Variants in KLF12 observed in about 807,000 individuals in gnomAD.
The protein encoded by KLF12 is KLF transcription factor 12.
In KLF12, 9 loss-of-function variants were observed where a neutral mutation model predicts 37.8. The ratio of observed to expected loss-of-function variants is 0.24; its 90% CI spans 0.14 to 0.42. The LOEUF (loss-of-function observed/expected upper bound fraction) is 0.42, where lower values mean the gene tolerates loss of function less well. Ranked by LOEUF, KLF12 falls within the 10% of genes least tolerant of loss-of-function variation. KLF12 has a pLI of 1.00. For synonymous variants in KLF12, 208 were observed against 202.1 expected (o/e 1.03, Z -0.25); for missense variants, 411 against 516.0 (o/e 0.80, Z 1.97).
At chr13:73,981,047 C>A (rs1477011061) in intron 2 of KLF12, among the ~76,000 whole-genome samples, 2 of 152,108 alleles carry the variant, frequency 1.3e-5, no homozygotes, top group Non-Finnish European at 2.9e-5. Context: ...GAAGTCCCAG[C>A]TACTTGGGAT....
chr13:74,243,158 A>G, the KLF12 span, among the ~76,000 whole-genome samples: 1 of 151,156 alleles, frequency 6.6e-6, no homozygotes, highest in African/African-American at 2.4e-5. Context: ...CCCTGTGTCC[A>G]TGTGTTCTCA....
intron 6 of KLF12, among the ~76,000 whole-genome samples, chr13:73,746,068 CA>C (rs10568862): frequency 0.091 from 11,906 of 130,910 alleles, 519 homozygotes; most frequent in South Asian, 0.18. Flanking sequence ...AGGAAACCAC[CA>C]AAAAAAAAAA....
chr13:73,861,207 T>A (rs1469465498), intron 3 of KLF12, among the ~76,000 whole-genome samples: 1 of 152,162 alleles, frequency 6.6e-6, no homozygotes, highest in African/African-American at 2.4e-5. Context: ...AGGTTATAAA[T>A]CCTGTAACTA....
chr13:74,017,641 A>C (rs1439533581), intron 1 of KLF12, among the ~76,000 whole-genome samples: 1 of 150,846 alleles, frequency 6.6e-6, no homozygotes, highest in East Asian at 1.9e-4. Flanking sequence ...TTACAAATAG[A>C]AAAATATGAA....
At position 74,038,294 on chromosome 13, in the gene KLF12, T is replaced by C. The variant is rs540677837; in HGVS notation, c.-31-43241A>G. On this transcript the variant is annotated intron_variant, in intron 1 of 7. Coordinates refer to ENST00000377669, the MANE Select transcript of KLF12 (RefSeq NM_007249.5). The stretch of plus-strand genomic sequence containing the variant: ...CAAAATAATTTTTTCAAAAAGGCTG[T>C]CAGTTGCAAACACTGTTAGACATAC... Among the ~76,000 whole-genome samples, 4 of 152,328 alleles carry C rather than the reference T, an allele frequency of 2.6e-5. No homozygotes were observed. The South Asian group carries it at 8.3e-4, about 32-fold the overall frequency.
the KLF12 span, among the ~76,000 whole-genome samples, chr13:74,208,111 T>G: frequency 6.6e-6 from 1 of 152,206 alleles, no homozygotes; most frequent in African/African-American, 2.4e-5. Context: ...ACATTAGGAA[T>G]GCTCACATTC....
chr13:73,904,231 C>T (rs1474412444), intron 3 of KLF12, among the ~76,000 whole-genome samples: 2 of 152,072 alleles, frequency 1.3e-5, no homozygotes, highest in Non-Finnish European at 2.9e-5. Flanking sequence ...TTAAGGATCC[C>T]CTAATAAAAT....
intron 6 of KLF12, among the ~76,000 whole-genome samples, chr13:73,745,345 T>TGTG (rs1878290292): frequency 6.6e-6 from 1 of 152,212 alleles, no homozygotes; most frequent in African/African-American, 2.4e-5. Flanking sequence ...TGAATGGAGT[T>TGTG]GTGTCAGTAG....
rs549401941 is a variant in KLF12, at chr13:74,010,454, C to T, written c.-31-15401G>A. On this transcript the variant is annotated intron_variant, in intron 1 of 7. Transcript: ENST00000377669. ...GCTGGATGAGATGTGGCATGCTACA[C>T]CCTACATTCAACACCCAGCTTTTCT... 3.9e-5 allele frequency among the ~76,000 whole-genome samples: 6 copies of T among 152,242 alleles called. No individual in the cohort carries two copies. In the East Asian group the frequency reaches 7.7e-4, roughly 20 times the overall value.
At chr13:73,728,276 A>G (rs866866905) in intron 6 of KLF12, among the ~76,000 whole-genome samples, 1 of 152,362 alleles carries the variant, frequency 6.6e-6, no homozygotes, top group African/African-American at 2.4e-5. Context: ...GTTAGTATAC[A>G]GAAATGCAAT....
At chr13:73,814,455 T>A (rs7981028) in intron 4 of KLF12, among the ~76,000 whole-genome samples, 134 of 152,314 alleles carry the variant, frequency 8.8e-4, no homozygotes, top group African/African-American at 3.2e-3. Flanking sequence ...ATATTTACAG[T>A]CTGGCTAGAA....
chr13:73,932,439 G>A (rs1313360821), intron 3 of KLF12, among the ~76,000 whole-genome samples: 1 of 152,122 alleles, frequency 6.6e-6, no homozygotes, highest in Non-Finnish European at 1.5e-5. Context: ...TCAGAGCACA[G>A]CATTTTTCTC....
At chr13:73,775,545 A>T (rs1390190582) in intron 5 of KLF12, among the ~76,000 whole-genome samples, 1 of 152,206 alleles carries the variant, frequency 6.6e-6, no homozygotes, top group Non-Finnish European at 1.5e-5. Context: ...TCATGGATAT[A>T]AATATATTAT....
At chr13:73,829,598 C>T (rs560142803) in intron 4 of KLF12, among the ~76,000 whole-genome samples, 8 of 152,140 alleles carry the variant, frequency 5.3e-5, no homozygotes, top group Non-Finnish European at 1.2e-4. Flanking sequence ...CCAAGTTCTT[C>T]TCTGAGCATA....
At chr13:73,852,955 C>G (rs1156831896) in intron 3 of KLF12, among the ~76,000 whole-genome samples, 1 of 150,714 alleles carries the variant, frequency 6.6e-6, no homozygotes. Context: ...TTGCAAGCTC[C>G]GCCTGCCGGG....
chr13:73,698,360 G>C (rs1021293213), intron 7 of KLF12, among the ~76,000 whole-genome samples: 1 of 152,068 alleles, frequency 6.6e-6, no homozygotes, highest in Non-Finnish European at 1.5e-5. Context: ...GGATGTGAGA[G>C]GCTGGTAGCA....
At chr13:74,256,229 G>A in the KLF12 span, among the ~76,000 whole-genome samples, 6 of 151,262 alleles carry the variant, frequency 4.0e-5, no homozygotes, top group Admixed American at 1.3e-4. Context: ...CTCTGATATC[G>A]GCTAACACTG....
chr13:74,061,916 AAG>A (rs1201640291), intron 1 of KLF12, among the ~76,000 whole-genome samples: 1 of 152,212 alleles, frequency 6.6e-6, no homozygotes, highest in Non-Finnish European at 1.5e-5. Context: ...AAGTAAACAA[AAG>A]AATATATGAA....
intron 3 of KLF12, among the ~76,000 whole-genome samples, chr13:73,941,847 G>T (rs966563073): frequency 1.4e-4 from 20 of 147,416 alleles, no homozygotes; most frequent in Admixed American, 1.3e-3. Context: ...AAACCCAAAG[G>T]AAAAAAAAAA....
Sources: allele counts gnomAD v4.1 joint callset (sites outside exome capture counted in the v4.1 genomes callset), GRCh38; gene constraint gnomAD v4.1.1; transcripts MANE v1.5; gene names NCBI Gene and HGNC (gene_info 2026-07-23, HGNC 2026-07-21).